The following PLSCR4 variants were observed in gnomAD, a reference collection of about 807,000 sequenced individuals.
The protein encoded by PLSCR4 is phospholipid scramblase 4, also known as Ca(2+)-dependent phospholipid scramblase 4.
Under a neutral mutation model 36.3 loss-of-function variants are expected in PLSCR4, and 25 were observed. That is an observed-to-expected ratio of 0.69 (90% CI 0.50 to 0.96). PLSCR4 has a LOEUF of 0.96. Ranked by LOEUF, PLSCR4 falls within the 40% of genes least tolerant of loss-of-function variation. PLSCR4 has a pLI of 0.00. For missense variants in PLSCR4, 408 were observed against 414.7 expected (o/e 0.98, Z 0.14); for synonymous variants, 122 against 132.9 (o/e 0.92, Z 0.56).
intron 1 of PLSCR4, among the ~76,000 whole-genome samples, chr3:146,242,176 A>C (rs966614354): frequency 3.3e-5 from 5 of 152,208 alleles, no homozygotes; most frequent in African/African-American, 1.2e-4. Context: ...TCCTCTGTTT[A>C]TGAATACTGC....
In PLSCR4 at chr3:146,212,920, A is replaced by G. The variant is rs141665611; in HGVS notation, c.119-6159T>C. 2.8e-3 allele frequency among the ~76,000 whole-genome samples: 426 copies of G among 152,226 alleles called. 1 individual carries two copies. Among genetic ancestry groups the G allele is most frequent in the Middle Eastern group, 6.8e-3 (2 of 294 alleles). On this transcript the variant is annotated intron_variant, in intron 3 of 8. Coordinates refer to ENST00000354952, the MANE Select transcript of PLSCR4 (RefSeq NM_020353.3). Reference sequence around the variant, plus strand: ...TTCTAGTTTCTTAAGTGTTTTTATCATGGAGGATGTTGTATTTTGTCAAGT... The same window carrying G: ...TTCTAGTTTCTTAAGTGTTTTTATCGTGGAGGATGTTGTATTTTGTCAAGT...
chr3:146,227,919 A>G (rs918470164), intron 1 of PLSCR4, among the ~76,000 whole-genome samples: 1 of 152,256 alleles, frequency 6.6e-6, no homozygotes, highest in African/African-American at 2.4e-5. Context: ...TTCTTTGTCC[A>G]TCTTAATCTT....
chr3:146,217,369 T>C (rs2034946886), intron 3 of PLSCR4, among the ~76,000 whole-genome samples: 1 of 152,248 alleles, frequency 6.6e-6, no homozygotes, highest in South Asian at 2.1e-4. Context: ...GGCAGGTGCA[T>C]AGAGGAGGCT....
At chr3:146,205,669 C>A (rs951511034) in intron 4 of PLSCR4, among the ~76,000 whole-genome samples, 4 of 152,014 alleles carry the variant, frequency 2.6e-5, no homozygotes, top group African/African-American at 9.7e-5. Flanking sequence ...AGGCAGAACA[C>A]AGCAGGACTG....
chr3:146,232,404 C>T (rs149348780), intron 1 of PLSCR4, among the ~76,000 whole-genome samples: 1 of 152,080 alleles, frequency 6.6e-6, no homozygotes, highest in Non-Finnish European at 1.5e-5. Flanking sequence ...GATAGGAATA[C>T]CATTGAATCT....
At chr3:146,246,190 T>C (rs2036332795) in intron 1 of PLSCR4, among the ~76,000 whole-genome samples, 1 of 152,150 alleles carries the variant, frequency 6.6e-6, no homozygotes, top group South Asian at 2.1e-4. Context: ...TTCATTATAA[T>C]TACATGTTAA....
At chr3:146,220,589 G>A (rs2035086607) in intron 3 of PLSCR4, among the ~76,000 whole-genome samples, 2 of 152,148 alleles carry the variant, frequency 1.3e-5, no homozygotes, top group Admixed American at 6.5e-5. Flanking sequence ...ATAGAATGGA[G>A]AGAATGTCAT....
intron 5 of PLSCR4, among the ~76,000 whole-genome samples, chr3:146,200,589 C>A (rs1234613765): frequency 6.6e-6 from 1 of 152,042 alleles, no homozygotes; most frequent in Non-Finnish European, 1.5e-5. Context: ...AAAGCGAGGG[C>A]ACTGCACTAC....
At chr3:146,236,441 G>A (rs1218999583) in intron 1 of PLSCR4, among the ~76,000 whole-genome samples, 1 of 152,118 alleles carries the variant, frequency 6.6e-6, no homozygotes, top group Admixed American at 6.6e-5. Flanking sequence ...ATATTGTTTG[G>A]CTGTGTCCCC....
intron 1 of PLSCR4, among the ~76,000 whole-genome samples, chr3:146,246,678 A>T (rs1389542559): frequency 6.6e-6 from 1 of 152,142 alleles, no homozygotes; most frequent in African/African-American, 2.4e-5. Flanking sequence ...AACTATGATT[A>T]CCAAGAACGC....
At chr3:146,207,150 ATAATT>A (rs2034381295) in intron 3 of PLSCR4, among the ~76,000 whole-genome samples, 2 of 152,142 alleles carry the variant, frequency 1.3e-5, no homozygotes, top group African/African-American at 2.4e-5. Context: ...TTACTAACAT[ATAATT>A]ACTCCTGCAA....
chr3:146,234,646 T>C (rs1002071385), intron 1 of PLSCR4, among the ~76,000 whole-genome samples: 2 of 152,062 alleles, frequency 1.3e-5, no homozygotes, highest in East Asian at 1.9e-4. Context: ...ATTTTTTTTC[T>C]GGCTGAAAAA....
chr3:146,196,175 G>T (rs768854072), intron 7 of PLSCR4, among the ~76,000 whole-genome samples: 2 of 151,964 alleles, frequency 1.3e-5, no homozygotes, highest in African/African-American at 4.8e-5. Context: ...AGTGTTATCC[G>T]ATTTCTTGAG....
At chr3:146,245,264 T>A (rs2036293325) in intron 1 of PLSCR4, among the ~76,000 whole-genome samples, 1 of 152,012 alleles carries the variant, frequency 6.6e-6, no homozygotes, top group Admixed American at 6.6e-5. Flanking sequence ...CAGTTACAGA[T>A]CTATGAAATT....
At chr3:146,245,379 T>C (rs2036296345) in intron 1 of PLSCR4, among the ~76,000 whole-genome samples, 1 of 152,068 alleles carries the variant, frequency 6.6e-6, no homozygotes, top group African/African-American at 2.4e-5. Context: ...TCAAATCTCA[T>C]TTGTAAACCC....
At chr3:146,250,253 T>A (rs560026092) in intron 1 of PLSCR4, among the ~76,000 whole-genome samples, 6 of 152,302 alleles carry the variant, frequency 3.9e-5, no homozygotes, top group African/African-American at 1.4e-4. Context: ...GCAATTTAAA[T>A]TAGGCAATCT....
chr3:146,202,144 A>G (rs2034079606), intron 4 of PLSCR4, among the ~76,000 whole-genome samples: 1 of 152,060 alleles, frequency 6.6e-6, no homozygotes, highest in Non-Finnish European at 1.5e-5. Context: ...TAAAAACACA[A>G]TGACATAAGG....
chr3:146,206,794 T>A, intron 3 of PLSCR4, 33 bp from the exon 4 acceptor site: 1 of 1,286,666 alleles, frequency 7.8e-7, no homozygotes, highest in Non-Finnish European at 1.1e-6. Flanking sequence ...TGTTATATAT[T>A]ATTAACACTA....
At chr3:146,239,682 G>T in intron 1 of PLSCR4, among the ~76,000 whole-genome samples, 1 of 152,176 alleles carries the variant, frequency 6.6e-6, no homozygotes, top group South Asian at 2.1e-4. Context: ...TTGGGAGTTC[G>T]AGACCAGCCT....
Sources: gnomAD v4.1 joint callset for allele counts (sites outside exome capture counted in the v4.1 genomes callset) on GRCh38, gnomAD v4.1.1 for gene constraint, MANE v1.5 for transcripts, NCBI Gene and HGNC (gene_info 2026-07-23, HGNC 2026-07-21) for gene names.